RPL31: variants seen among roughly 807,000 people sequenced by gnomAD.
RPL31 encodes large ribosomal subunit protein eL31.
For synonymous variants in RPL31, 51 were observed against 55.0 expected (o/e 0.93, Z 0.32); for missense variants, 95 against 164.0 (o/e 0.58, Z 2.30).
At position 101,006,940 on chromosome 2, in the gene RPL31, A is replaced by T. The variant is rs1678766935; in HGVS notation, c.*559A>T. On this transcript the variant is annotated 3_prime_UTR_variant, in exon 5 of 5. Transcript: ENST00000264258. Reference sequence around the variant, plus strand: ...TACCTGGAGTCAAGGTTCAGAAGTAAAAAGTTCCTTAAGGTATCAATAACA... The same window carrying T: ...TACCTGGAGTCAAGGTTCAGAAGTATAAAGTTCCTTAAGGTATCAATAACA... 6.6e-6 allele frequency: 1 copy of T among 152,322 alleles called. No individual in the cohort carries two copies. Among genetic ancestry groups the T allele is most frequent in the Non-Finnish European group, 1.5e-5 (1 of 68,100 alleles). The allele number at this position is 152,322 out of a possible 1,614,324, so 9.4% of individuals were successfully genotyped here.
At position 101,002,780 on chromosome 2, in the gene RPL31, A is replaced by G. The variant is rs1233456630; in HGVS notation, c.79A>G (p.Ile27Val). ...INEVVTREYTINIHKRIHGVG... is the reference protein window; with the variant it reads ...INEVVTREYTVNIHKRIHGVG... ...CGAAGTGGTAACCCGAGAATACACCATCAACATTCACAAGCGCATCCATGG... is the reference window on the plus strand; with the variant it reads ...CGAAGTGGTAACCCGAGAATACACCGTCAACATTCACAAGCGCATCCATGG... Residue 27 changes from isoleucine to valine, a missense_variant, in exon 2 of 5, where the codon ATC becomes GTC. Transcript: ENST00000264258. 1.9e-6 allele frequency: 3 copies of G among 1,613,848 alleles called. No homozygotes were observed. The highest frequency in any genetic ancestry group is 2.5e-6 in the Non-Finnish European group (3 of 1,179,892).
At chr2:101,002,894 C>CT in intron 2 of RPL31, 86 bp downstream of exon 2, 1 of 973,002 alleles carries the variant, frequency 1.0e-6, no homozygotes, top group Admixed American at 1.9e-5. Flanking sequence ...CCACCCCAAT[C>CT]TTTTCCTCTT....
At chr2:101,011,151 T>C, downstream of RPL31, 1 of 945,104 alleles carries the variant, frequency 1.1e-6, no homozygotes, top group Non-Finnish European at 1.6e-6. Flanking sequence ...CATACAAAAC[T>C]GGAAAGCAAG....
chr2:101,017,329 T>A (rs971926433), intron 4 of RPL31, among the ~76,000 whole-genome samples: 2 of 152,194 alleles, frequency 1.3e-5, no homozygotes, highest in African/African-American at 4.8e-5. Flanking sequence ...GTATAGTAAT[T>A]ACATAAACCA....
chr2:101,007,011 T>G lies in RPL31; in HGVS notation c.*630T>G, dbSNP rs1354346448. 2.6e-5 allele frequency: 4 copies of G among 152,192 alleles called. No homozygotes were observed. Among genetic ancestry groups the G allele is most frequent in the Non-Finnish European group, 5.9e-5 (4 of 68,044 alleles). 9.4% of individuals were successfully genotyped at this position (152,192 alleles called of 1,614,324 possible). On this transcript the variant is annotated 3_prime_UTR_variant, in exon 5 of 5. Coordinates refer to ENST00000264258, the MANE Select transcript of RPL31 (RefSeq NM_000993.5). The stretch of plus-strand genomic sequence containing the variant: ...AGTCCTAAAGCAGTGTTGCTGAGAT[T>G]ATGTTTCACCAGCATTTACAAGCTG...
At chr2:101,008,410 C>T (rs1678912117), downstream of RPL31, 2 of 713,864 alleles carry the variant, frequency 2.8e-6, no homozygotes, top group South Asian at 4.6e-5. Flanking sequence ...GTAGTCTCTG[C>T]CTTTCCACTC....
chr2:101,008,363 G>T, downstream of RPL31: 1 of 1,035,648 alleles, frequency 9.7e-7, no homozygotes, highest in Non-Finnish European at 1.3e-6. Flanking sequence ...TTGAGAAAAC[G>T]ACACAGTATT....
chr2:101,003,674 A>G (rs2278722), intron 2 of RPL31, among the ~76,000 whole-genome samples: 30,610 of 152,126 alleles, frequency 0.2, 3,578 homozygotes, highest in East Asian at 0.41. Flanking sequence ...TCATAGCGCT[A>G]ACTACTGCCA....
chr2:101,005,639 G>C (rs374834724), intron 3 of RPL31: 17 of 285,502 alleles, frequency 6.0e-5, no homozygotes, highest in African/African-American at 2.2e-4. Context: ...GAAAAATCAC[G>C]TAACAAAGTT....
At chr2:101,017,936 C>T in intron 4 of RPL31, 2 of 1,550,368 alleles carry the variant, frequency 1.3e-6, no homozygotes, top group Non-Finnish European at 1.7e-6. Flanking sequence ...AAGCAAATGG[C>T]ATTTTCTTCT....
chr2:101,015,496 A>G (rs1249141431), intron 4 of RPL31, among the ~76,000 whole-genome samples: 1 of 152,240 alleles, frequency 6.6e-6, no homozygotes, highest in Non-Finnish European at 1.5e-5. Flanking sequence ...CTCTTTTGTA[A>G]TAACACTTGC....
downstream of RPL31, chr2:101,010,806 C>G: frequency 1.4e-6 from 1 of 730,526 alleles, no homozygotes; most frequent in Non-Finnish European, 2.2e-6. Flanking sequence ...TGCTTGAACC[C>G]TGGAGGTGGA....
At chr2:101,011,543 TAAAA>T (rs1228548024), downstream of RPL31, 9 of 1,613,600 alleles carry the variant, frequency 5.6e-6, no homozygotes, top group African/African-American at 9.4e-5. Context: ...AGTGAGTGCT[TAAAA>T]AAAGATGAGA....
chr2:101,016,607 A>G (rs1233771228), intron 4 of RPL31, among the ~76,000 whole-genome samples: 3 of 152,172 alleles, frequency 2.0e-5, no homozygotes, highest in South Asian at 2.1e-4. Flanking sequence ...TCATGCTGCT[A>G]TAAAGACACA....
chr2:101,006,183 T>C (rs1239230065), intron 4 of RPL31, 112 bp downstream of exon 4: 1 of 1,513,550 alleles, frequency 6.6e-7, no homozygotes, highest in Non-Finnish European at 8.8e-7. Flanking sequence ...TGTACCCTTT[T>C]TAAATTGTTG....
chr2:101,016,873 A>G (rs1432839630), intron 4 of RPL31, among the ~76,000 whole-genome samples: 4 of 151,852 alleles, frequency 2.6e-5, no homozygotes, highest in African/African-American at 4.8e-5. Flanking sequence ...GAATTGAACA[A>G]TGAGACCACA....
chr2:101,017,873 G>C, intron 4 of RPL31: 1 of 1,550,860 alleles, frequency 6.4e-7, no homozygotes, highest in South Asian at 1.2e-5. Flanking sequence ...TCAAAACGAT[G>C]ATCTCTTCAA....
At chr2:101,012,893 C>T (rs1454553152) in intron 4 of RPL31, among the ~76,000 whole-genome samples, 1 of 152,190 alleles carries the variant, frequency 6.6e-6, no homozygotes, top group African/African-American at 2.4e-5. Flanking sequence ...TTGCCCAAAA[C>T]GAATTTTGTG....
intron 3 of RPL31, chr2:101,005,107 C>T (rs10221895): frequency 0.18 from 28,136 of 152,090 alleles, 2,813 homozygotes; most frequent in Middle Eastern, 0.32. Context: ...AGGTGTCCTC[C>T]GATGCCTGCC....
Sources: allele counts gnomAD v4.1 joint callset (sites outside exome capture counted in the v4.1 genomes callset), GRCh38; gene constraint gnomAD v4.1.1; transcripts MANE v1.5; gene names NCBI Gene and HGNC (gene_info 2026-07-23, HGNC 2026-07-21).